ELMO1: variants seen among roughly 807,000 people sequenced by gnomAD.
ELMO1 encodes engulfment and cell motility protein 1.
ELMO1 carries 26 observed loss-of-function variants against 98.9 expected under a neutral mutation model. That is an observed-to-expected ratio of 0.26 (90% CI 0.19 to 0.36). The LOEUF is 0.36. ELMO1 is among the 10% of genes least tolerant of loss of function. The pLI, the probability that ELMO1 is intolerant of heterozygous loss-of-function variation, is 1.00. For synonymous variants in ELMO1, 346 were observed against 346.0 expected (o/e 1.00, Z 0.00); for missense variants, 627 against 935.2 (o/e 0.67, Z 4.30).
chr7:37,056,801 T>C (rs1261868542), intron 15 of ELMO1, among the ~76,000 whole-genome samples: 4 of 152,152 alleles, frequency 2.6e-5, no homozygotes, highest in Admixed American at 6.5e-5. Flanking sequence ...GGGAGCCCAC[T>C]GGGGGATTTG....
At chr7:36,996,089 A>G (rs1211694204) in intron 16 of ELMO1, among the ~76,000 whole-genome samples, 2 of 152,252 alleles carry the variant, frequency 1.3e-5, no homozygotes, top group Non-Finnish European at 2.9e-5. Flanking sequence ...CAGACAATAA[A>G]TATCACCAAA....
intron 16 of ELMO1, among the ~76,000 whole-genome samples, chr7:36,940,789 G>A (rs1786962991): frequency 1.3e-5 from 2 of 152,220 alleles, no homozygotes; most frequent in African/African-American, 4.8e-5. Flanking sequence ...CTCTCTGCTA[G>A]GCACTGGGGG....
intron 13 of ELMO1, among the ~76,000 whole-genome samples, chr7:37,194,837 T>C (rs766521024): frequency 4.3e-4 from 66 of 152,378 alleles, no homozygotes; most frequent in Middle Eastern, 6.8e-3. Flanking sequence ...TTATAGTCTA[T>C]TTGTATGATT....
chr7:37,295,021 T>C (rs957628495), intron 4 of ELMO1, among the ~76,000 whole-genome samples: 2 of 151,322 alleles, frequency 1.3e-5, no homozygotes, highest in African/African-American at 4.8e-5. Context: ...AAAATTCATC[T>C]CAAAAATATT....
At chr7:37,287,343 G>A (rs1797444410) in intron 4 of ELMO1, among the ~76,000 whole-genome samples, 1 of 152,192 alleles carries the variant, frequency 6.6e-6, no homozygotes, top group Non-Finnish European at 1.5e-5. Flanking sequence ...AAATAAATGG[G>A]TTTGGCTGTG....
At chr7:37,239,613 TG>T (rs1584857746) in intron 7 of ELMO1, among the ~76,000 whole-genome samples, 1 of 152,164 alleles carries the variant, frequency 6.6e-6, no homozygotes, top group Non-Finnish European at 1.5e-5. Flanking sequence ...GCAATGCCTG[TG>T]GAAGATAAAG....
intron 18 of ELMO1, among the ~76,000 whole-genome samples, chr7:36,880,647 AG>A (rs1047183129): frequency 1.9e-4 from 29 of 152,226 alleles, no homozygotes; most frequent in African/African-American, 6.3e-4. Flanking sequence ...TTCAAGGAAA[AG>A]GAGCTCCCTC....
chr7:36,936,743 C>T (rs1562838586), intron 16 of ELMO1, among the ~76,000 whole-genome samples: 2 of 152,166 alleles, frequency 1.3e-5, no homozygotes, highest in East Asian at 1.9e-4. Context: ...TGTAAGCCAC[C>T]GAATCTGGCC....
At chr7:37,356,488 G>A (rs192585738) in intron 1 of ELMO1, among the ~76,000 whole-genome samples, 120 of 152,202 alleles carry the variant, frequency 7.9e-4, no homozygotes, top group Non-Finnish European at 5.0e-4. Context: ...GGATGAAGCT[G>A]GAAACCATTA....
chr7:37,178,526 C>G (rs1236832616), intron 13 of ELMO1, among the ~76,000 whole-genome samples: 1 of 151,908 alleles, frequency 6.6e-6, no homozygotes, highest in African/African-American at 2.4e-5. Context: ...CGCCTGAGCC[C>G]AGGAGGCAGA....
chr7:36,925,530 T>C (rs1198882860), intron 16 of ELMO1, among the ~76,000 whole-genome samples: 2 of 152,206 alleles, frequency 1.3e-5, no homozygotes, highest in Non-Finnish European at 1.5e-5. Context: ...GAGTCTCTTC[T>C]GTCCCATTAC....
chr7:36,984,076 G>T (rs557736464), intron 16 of ELMO1, among the ~76,000 whole-genome samples: 2 of 151,836 alleles, frequency 1.3e-5, no homozygotes, highest in Admixed American at 1.3e-4. Flanking sequence ...TGACACTAGT[G>T]GGGGAGAGAA....
chr7:36,936,646 T>TG (rs1215124678), intron 16 of ELMO1, among the ~76,000 whole-genome samples: 2 of 152,048 alleles, frequency 1.3e-5, no homozygotes, highest in African/African-American at 2.4e-5. Flanking sequence ...TTTGTAGAGA[T>TG]GGGGTCTATG....
chr7:36,974,017 T>TC (rs899220839), intron 16 of ELMO1, among the ~76,000 whole-genome samples: 133 of 152,098 alleles, frequency 8.7e-4, no homozygotes, highest in Middle Eastern at 3.4e-3. Context: ...TGCCTGAGCC[T>TC]CCCCCCCACT....
intron 4 of ELMO1, among the ~76,000 whole-genome samples, chr7:37,284,130 A>C (rs545260508): frequency 6.6e-6 from 1 of 152,270 alleles, no homozygotes; most frequent in East Asian, 1.9e-4. Context: ...ATCTGGGAGA[A>C]GCAGAGGACT....
At chr7:37,074,012 G>A (rs899827479) in intron 15 of ELMO1, among the ~76,000 whole-genome samples, 12 of 150,240 alleles carry the variant, frequency 8.0e-5, no homozygotes, top group African/African-American at 2.9e-4. Context: ...GAACAATTAT[G>A]TGACTATTTT....
At chr7:37,446,212 T>C (rs1239291884) in intron 1 of ELMO1, among the ~76,000 whole-genome samples, 3 of 152,226 alleles carry the variant, frequency 2.0e-5, no homozygotes, top group Admixed American at 1.3e-4. Flanking sequence ...CAAACACTTA[T>C]TGAGCACCGA....
At chr7:36,915,736 C>T (rs1195232239) in intron 16 of ELMO1, among the ~76,000 whole-genome samples, 1 of 152,166 alleles carries the variant, frequency 6.6e-6, no homozygotes, top group Non-Finnish European at 1.5e-5. Context: ...AGCTGAGTCA[C>T]AGCGAGTGAC....
chr7:36,928,556 T>C (rs1309669713), intron 16 of ELMO1, among the ~76,000 whole-genome samples: 1 of 152,108 alleles, frequency 6.6e-6, no homozygotes, highest in East Asian at 1.9e-4. Context: ...AAGAAATGCA[T>C]CAGGGGCAGC....
Sources: gnomAD v4.1 joint callset for allele counts (sites outside exome capture counted in the v4.1 genomes callset) on GRCh38, gnomAD v4.1.1 for gene constraint, MANE v1.5 for transcripts, NCBI Gene and HGNC (gene_info 2026-07-23, HGNC 2026-07-21) for gene names.